RPRD2: variants seen among roughly 807,000 people sequenced by gnomAD.
RPRD2 encodes regulation of nuclear pre-mRNA domain containing 2.
A neutral mutation model predicts 104.4 loss-of-function variants in RPRD2; 12 were observed. The observed-to-expected ratio is 0.11, with a 90% CI of 0.07 to 0.19. RPRD2 has a LOEUF of 0.19. Ranked by LOEUF, RPRD2 falls within the 10% of genes least tolerant of loss-of-function variation. RPRD2 has a pLI of 1.00. For missense variants in RPRD2, 1,543 were observed against 1,790.1 expected (o/e 0.86, Z 2.49); for synonymous variants, 714 against 684.9 (o/e 1.04, Z -0.66).
chr1:150,426,551 C>T (rs1199296724), intron 2 of RPRD2, among the ~76,000 whole-genome samples: 2 of 152,006 alleles, frequency 1.3e-5, no homozygotes, highest in Non-Finnish European at 1.5e-5. Context: ...GTATCCATCT[C>T]AAGAAGTTTT....
chr1:150,460,452 G>A (rs908006443), intron 9 of RPRD2, 135 bp downstream of exon 9: 2 of 895,988 alleles, frequency 2.2e-6, no homozygotes, highest in Non-Finnish European at 3.4e-6. Context: ...CTCCCAGGCA[G>A]GAGTGCAGTG....
chr1:150,376,219 T>A (rs1660676859), intron 1 of RPRD2, among the ~76,000 whole-genome samples: 1 of 152,230 alleles, frequency 6.6e-6, no homozygotes, highest in Non-Finnish European at 1.5e-5. Context: ...TAGTGTTTGA[T>A]TGAGGCCTTG....
intron 2 of RPRD2, among the ~76,000 whole-genome samples, chr1:150,424,059 T>C (rs781884255): frequency 6.6e-6 from 1 of 152,108 alleles, no homozygotes; most frequent in Non-Finnish European, 1.5e-5. Flanking sequence ...CCCAGAGTGC[T>C]GGGATTACAG....
intron 2 of RPRD2, among the ~76,000 whole-genome samples, chr1:150,431,429 G>GA (rs1553891679): frequency 1.4e-5 from 2 of 145,076 alleles, no homozygotes; most frequent in Non-Finnish European, 3.0e-5. Flanking sequence ...TAAACAGTGT[G>GA]ATGTATACAA....
intron 1 of RPRD2, among the ~76,000 whole-genome samples, chr1:150,388,427 C>CAT (rs1422277149): frequency 3.1e-5 from 4 of 129,362 alleles, no homozygotes; most frequent in African/African-American, 1.0e-4. Context: ...TATATATATA[C>CAT]ATATATACAT....
chr1:150,467,295 C>G (rs2102433474), intron 10 of RPRD2, among the ~76,000 whole-genome samples: 1 of 152,304 alleles, frequency 6.6e-6, no homozygotes, highest in South Asian at 2.1e-4. Context: ...TTGATGATGA[C>G]TGCAGCACAT....
In RPRD2 at chr1:150,472,310, G is replaced by A. The variant is rs771894711; in HGVS notation, c.3362G>A (p.Arg1121His). The stretch of plus-strand genomic sequence containing the variant: ...GGGAAGGGAAATAGAGGACATGGGC[G>A]TGAGGCTTCAAGGGTGGGTTGGTTT... Reference protein sequence around the residue: ...VPGKGNRGHGREASRVGWFDL... With the variant: ...VPGKGNRGHGHEASRVGWFDL... The change falls in exon 11 of 11, where the codon CGT becomes CAT. Residue 1121 changes from arginine to histidine, a missense_variant. Physicochemically the swap from Arg to His is conservative, Grantham distance 29. This residue lies in a region of RPRD2 where 880 missense variants were observed against 885.6 expected (regional missense o/e 0.99). Coordinates refer to ENST00000369068, the MANE Select transcript of RPRD2 (RefSeq NM_015203.5). The A allele has an allele frequency of 9.3e-6, 15 of 1,613,854 alleles. No homozygotes were observed. Among genetic ancestry groups the A allele is most frequent in the East Asian group, 6.7e-5 (3 of 44,888 alleles).
At chr1:150,464,366 T>C (rs587721558) in intron 9 of RPRD2, among the ~76,000 whole-genome samples, 161 bp from the exon 10 acceptor site, 1 of 147,832 alleles carries the variant, frequency 6.8e-6, no homozygotes, top group South Asian at 2.1e-4. Context: ...TTCAGGGTTT[T>C]TTTTTTTTTT....
At chr1:150,430,663 C>G (rs1179650301) in intron 2 of RPRD2, among the ~76,000 whole-genome samples, 2 of 152,222 alleles carry the variant, frequency 1.3e-5, no homozygotes. Context: ...GGCGTGGTGG[C>G]TCACGCCTGT....
intron 1 of RPRD2, among the ~76,000 whole-genome samples, chr1:150,387,488 T>C (rs2102158651): frequency 6.6e-6 from 1 of 151,286 alleles, no homozygotes; most frequent in Admixed American, 6.6e-5. Flanking sequence ...GTACTGTTTC[T>C]AGTCATGTGA....
intron 1 of RPRD2, among the ~76,000 whole-genome samples, chr1:150,373,101 C>T (rs1660439035): frequency 6.6e-6 from 1 of 151,946 alleles, no homozygotes; most frequent in South Asian, 2.1e-4. Context: ...GCAACCTCTG[C>T]CTCCCGGGTT....
chr1:150,446,124 C>T, intron 6 of RPRD2, 102 bp from the exon 7 acceptor site: 2 of 753,886 alleles, frequency 2.7e-6, no homozygotes. Context: ...AGTAAGGCAG[C>T]AAGAGTATGT....
Position 150,474,733 on chromosome 1 carries a change from A to C in RPRD2, c.*1399A>C, listed in dbSNP as rs1206059379. 1.3e-5 allele frequency: 2 copies of C among 152,162 alleles called. No individual in the cohort carries two copies. The highest frequency in any genetic ancestry group is 4.8e-5 in the African/African-American group (2 of 41,424). The allele number at this position is 152,162 out of a possible 1,614,324, so 9.4% of individuals were successfully genotyped here. A position where few individuals can be genotyped will look rare whatever the true frequency, so the allele number is the denominator to read the frequency against. The stretch of plus-strand genomic sequence containing the variant: ...TAGTGTCTTACCCCAAGGCATACTC[A>C]ACTGATAATCTCCAGCTAGATGAGT... On this transcript the variant is annotated 3_prime_UTR_variant, in exon 11 of 11. Transcript: ENST00000369068.
intron 1 of RPRD2, among the ~76,000 whole-genome samples, chr1:150,383,327 G>A (rs1453213727): frequency 1.5e-5 from 1 of 66,134 alleles, no homozygotes; most frequent in African/African-American, 7.4e-5. Flanking sequence ...TTTTTTTTTT[G>A]GTGACGGAGT....
At chr1:150,394,577 T>C (rs917849766) in intron 1 of RPRD2, among the ~76,000 whole-genome samples, 4 of 152,136 alleles carry the variant, frequency 2.6e-5, no homozygotes, top group Non-Finnish European at 5.9e-5. Flanking sequence ...TTCAACCTTT[T>C]TGTGGAGTTT....
At chr1:150,386,263 C>T (rs781837916) in intron 1 of RPRD2, among the ~76,000 whole-genome samples, 6 of 152,060 alleles carry the variant, frequency 3.9e-5, no homozygotes, top group South Asian at 2.1e-4. Flanking sequence ...CATGAGCCAC[C>T]GCACCCGGCC....
chr1:150,370,077 C>T lies in RPRD2; in HGVS notation c.205+5158C>T, dbSNP rs782360784. Reference sequence around the variant, plus strand: ...GATTACAGGCGTGAGCCACCACGCCCGGCCAAATTTTTATGTTTTTTGTAG... The same window carrying T: ...GATTACAGGCGTGAGCCACCACGCCTGGCCAAATTTTTATGTTTTTTGTAG... On this transcript the variant is annotated intron_variant, in intron 1 of 10. Coordinates refer to ENST00000369068, the MANE Select transcript of RPRD2 (RefSeq NM_015203.5). 1.9e-4 allele frequency among the ~76,000 whole-genome samples: 29 copies of T among 152,224 alleles called. 1 individual carries two copies. The highest frequency in any genetic ancestry group is 6.8e-3 in the Middle Eastern group (2 of 294).
chr1:150,455,644 A>C (rs373481142), intron 7 of RPRD2, among the ~76,000 whole-genome samples: 1 of 148,430 alleles, frequency 6.7e-6, no homozygotes, highest in Non-Finnish European at 1.5e-5. Context: ...AAAAAAAAAA[A>C]CCTGAGGAAA....
chr1:150,433,639 T>A (rs2102330319), intron 2 of RPRD2, among the ~76,000 whole-genome samples: 1 of 148,472 alleles, frequency 6.7e-6, no homozygotes, highest in East Asian at 2.0e-4. Flanking sequence ...AGAGATGGGG[T>A]TTCACAGTGT....
Sources: allele counts gnomAD v4.1 joint callset (sites outside exome capture counted in the v4.1 genomes callset), GRCh38; gene constraint gnomAD v4.1.1; regional missense constraint gnomAD v4.1.1; transcripts MANE v1.5; gene names NCBI Gene and HGNC (gene_info 2026-07-23, HGNC 2026-07-21).